Variants in FER observed in about 807,000 individuals in gnomAD.
FER encodes the protein FER tyrosine kinase, also known as tyrosine-protein kinase Fer.
FER carries 63 observed loss-of-function variants against 111.0 expected under a neutral mutation model. The ratio of observed to expected loss-of-function variants is 0.57; its 90% confidence interval spans 0.46 to 0.70. FER has a LOEUF of 0.70. Among genes scored for constraint, FER ranks in the 30% least tolerant of loss-of-function variants. The probability of loss-of-function intolerance (pLI) is 0.00; values close to 1 mark genes in which losing one functional copy is unlikely to be tolerated. For synonymous variants in FER, 327 were observed against 313.9 expected (o/e 1.04, Z -0.44); for missense variants, 914 against 954.0 (o/e 0.96, Z 0.55).
chr5:108,859,439 T>A (rs1763302374), intron 5 of FER, among the ~76,000 whole-genome samples: 1 of 152,148 alleles, frequency 6.6e-6, no homozygotes. Context: ...GAGAGATCAT[T>A]TGTAGAGATT....
chr5:108,798,082 C>A, intron 2 of FER, 42 bp from the exon 3 acceptor site: 19 of 670,126 alleles, frequency 2.8e-5, no homozygotes, highest in East Asian at 6.6e-5. Flanking sequence ...AGACTAATTT[C>A]CTTTTTATTT....
intron 16 of FER, chr5:109,051,703 G>A (rs924554458): frequency 6.3e-5 from 99 of 1,567,502 alleles, no homozygotes; most frequent in Non-Finnish European, 7.6e-5. Flanking sequence ...GGGGCTCAGC[G>A]GGCCAGTGGT....
chr5:108,798,043 A>G, intron 2 of FER, 81 bp from the exon 3 acceptor site: 1 of 552,786 alleles, frequency 1.8e-6, no homozygotes, highest in Non-Finnish European at 3.2e-6. Context: ...ACCCCAAAGA[A>G]GAATCTATCA....
At chr5:109,004,998 G>T (rs1765311180) in intron 13 of FER, among the ~76,000 whole-genome samples, 2 of 151,970 alleles carry the variant, frequency 1.3e-5, no homozygotes, top group African/African-American at 4.8e-5. Context: ...ACTGACTAGG[G>T]ATGGCTGATT....
In FER at chr5:108,884,046, T is replaced by C. The variant is rs571925301; in HGVS notation, c.1046+528T>C. Among the ~76,000 whole-genome samples the C allele has an allele frequency of 2.0e-5, 3 of 152,146 alleles. No individual in the cohort carries two copies. In the South Asian group the frequency reaches 6.2e-4, roughly 32 times the overall value. ...TTACTTGTGTTGGTATACTCTTCTTTTACTGACTTCATTATGCTTTCTACT... is the reference window on the plus strand; with the variant it reads ...TTACTTGTGTTGGTATACTCTTCTTCTACTGACTTCATTATGCTTTCTACT... On this transcript the variant is annotated intron_variant, in intron 9 of 19. Transcript: ENST00000281092.
At chr5:108,868,336 T>C (rs1764274676) in intron 6 of FER, among the ~76,000 whole-genome samples, 2 of 152,118 alleles carry the variant, frequency 1.3e-5, no homozygotes, top group South Asian at 4.1e-4. Flanking sequence ...CTTCTTGTTT[T>C]TTTTTCTGTA....
At chr5:108,864,443 C>T (rs1021818767) in intron 5 of FER, among the ~76,000 whole-genome samples, 3 of 152,102 alleles carry the variant, frequency 2.0e-5, no homozygotes, top group Non-Finnish European at 4.4e-5. Context: ...CTGCTCTTTG[C>T]TCTGGGGTAC....
chr5:109,181,860 A>G (rs1758326626), intron 18 of FER, among the ~76,000 whole-genome samples: 1 of 152,210 alleles, frequency 6.6e-6, no homozygotes, highest in Admixed American at 6.5e-5. Flanking sequence ...AAACATTTTC[A>G]TCACTCCAAA....
chr5:109,067,715 G>A (rs181731778), intron 16 of FER, among the ~76,000 whole-genome samples: 154 of 151,996 alleles, frequency 1.0e-3, no homozygotes, highest in Middle Eastern at 3.4e-3. Flanking sequence ...CTTTCTTGTA[G>A]ATATATATTT....
At chr5:108,997,717 A>T (rs1326056673) in intron 13 of FER, among the ~76,000 whole-genome samples, 1 of 152,032 alleles carries the variant, frequency 6.6e-6, no homozygotes, top group Admixed American at 6.6e-5. Context: ...ATGTCTGCTG[A>T]AGCTGCTCCC....
chr5:108,934,659 G>A (rs1045918256), intron 10 of FER, among the ~76,000 whole-genome samples: 21 of 152,268 alleles, frequency 1.4e-4, no homozygotes, highest in African/African-American at 4.8e-4. Flanking sequence ...TAAAAAGTTA[G>A]CTAGTTTTCC....
intron 1 of FER, among the ~76,000 whole-genome samples, chr5:108,763,175 G>A (rs940770283): frequency 5.3e-5 from 8 of 152,044 alleles, no homozygotes; most frequent in Admixed American, 1.3e-4. Flanking sequence ...AAAATGTGTC[G>A]TTGCCTCACG....
chr5:108,893,970 T>TG (rs1748620080), intron 9 of FER, among the ~76,000 whole-genome samples: 1 of 140,028 alleles, frequency 7.1e-6, no homozygotes, highest in Non-Finnish European at 1.6e-5. Context: ...GGAAAGAGGT[T>TG]TTTTTTTTTT....
chr5:108,771,060 C>T lies in FER; in HGVS notation c.-60+2822C>T, dbSNP rs139002424. On this transcript the variant is annotated intron_variant, in intron 2 of 19. Transcript: ENST00000281092. ...CAAGCAGTGTTCTGTCTCATCCTCC[C>T]GAGTAGCTGGGATTACAGATGCCCG... Among the ~76,000 whole-genome samples, 429 of 152,002 alleles carry T rather than the reference C, an allele frequency of 2.8e-3. 5 individuals are homozygous for T. Among genetic ancestry groups the T allele is most frequent in the Middle Eastern group, 0.024 (7 of 294 alleles).
chr5:108,777,710 A>T (rs1313637055), intron 2 of FER, among the ~76,000 whole-genome samples: 2 of 152,186 alleles, frequency 1.3e-5, no homozygotes, highest in African/African-American at 4.8e-5. Flanking sequence ...GGTTTATTGG[A>T]CTTACAGTTC....
At chr5:108,889,647 A>C (rs937737870) in intron 9 of FER, among the ~76,000 whole-genome samples, 3 of 151,958 alleles carry the variant, frequency 2.0e-5, no homozygotes, top group Non-Finnish European at 4.4e-5. Flanking sequence ...TGTACATTTT[A>C]AAATAACTAA....
intron 18 of FER, among the ~76,000 whole-genome samples, chr5:109,182,094 T>TA (rs1247673786): frequency 6.6e-6 from 1 of 152,266 alleles, no homozygotes; most frequent in Non-Finnish European, 1.5e-5. Context: ...CATTCCTTTT[T>TA]AGGACTGAAT....
intron 17 of FER, among the ~76,000 whole-genome samples, chr5:109,149,582 T>A (rs1754598487): frequency 6.6e-6 from 1 of 151,862 alleles, no homozygotes; most frequent in South Asian, 2.1e-4. Flanking sequence ...AAATTTCATA[T>A]CAATCAAGAA....
chr5:108,975,251 G>A (rs1202613044), intron 13 of FER, among the ~76,000 whole-genome samples: 2 of 151,978 alleles, frequency 1.3e-5, no homozygotes, highest in East Asian at 1.9e-4. Context: ...GGGGTCTGTC[G>A]GGTTGAGGGG....
Sources: gnomAD v4.1 joint callset for allele counts (sites outside exome capture counted in the v4.1 genomes callset) on GRCh38, gnomAD v4.1.1 for gene constraint, MANE v1.5 for transcripts, NCBI Gene and HGNC (gene_info 2026-07-23, HGNC 2026-07-21) for gene names.